Variants in NRXN3 observed in about 807,000 individuals in gnomAD.
NRXN3 encodes neurexin III.
Under a neutral mutation model 137.6 loss-of-function variants are expected in NRXN3, and 32 were observed. The observed-to-expected ratio is 0.23, with a 90% CI of 0.18 to 0.31. NRXN3 has a LOEUF of 0.31. Among genes scored for constraint, NRXN3 ranks in the 10% least tolerant of loss-of-function variants. NRXN3 has a pLI of 1.00. For missense variants in NRXN3, 1,574 were observed against 2,062.5 expected (o/e 0.76, Z 4.59); for synonymous variants, 798 against 784.5 (o/e 1.02, Z -0.29).
At chr14:79,257,352 GT>G (rs2076722716) in intron 15 of NRXN3, among the ~76,000 whole-genome samples, 1 of 73,862 alleles carries the variant, frequency 1.4e-5, no homozygotes, top group Non-Finnish European at 2.8e-5. Flanking sequence ...CCTGGTGGTG[GT>G]GGTGGTGGTG....
intron 10 of NRXN3, among the ~76,000 whole-genome samples, chr14:78,822,820 C>T (rs2098955019): frequency 6.6e-6 from 1 of 152,018 alleles, no homozygotes; most frequent in African/African-American, 2.4e-5. Context: ...CACCATTGTA[C>T]ATATTGCCTC....
intron 19 of NRXN3, 141 bp from the exon 20 acceptor site, chr14:79,804,971 A>G (rs2140612116): frequency 3.2e-6 from 2 of 618,246 alleles, no homozygotes; most frequent in East Asian, 5.6e-5. Flanking sequence ...ATCCTACGGT[A>G]TGCCCTCTCT....
intron 4 of NRXN3, among the ~76,000 whole-genome samples, chr14:78,479,408 C>G (rs1266917090): frequency 6.6e-6 from 1 of 152,166 alleles, no homozygotes; most frequent in Non-Finnish European, 1.5e-5. Flanking sequence ...GGATGGGAAC[C>G]AAGAATTTGT....
intron 15 of NRXN3, among the ~76,000 whole-genome samples, chr14:79,213,961 T>G (rs1195488999): frequency 1.3e-5 from 2 of 152,246 alleles, no homozygotes; most frequent in Non-Finnish European, 2.9e-5. Context: ...GTGTTTTTAT[T>G]CCTTTCAGAG....
chr14:78,243,452 G>A lies in NRXN3; in HGVS notation c.359G>A (p.Arg120His), dbSNP rs767251599. Residue 120 changes from arginine to histidine, a missense_variant, in exon 2 of 21, where the codon CGC becomes CAC. Physicochemically the swap from Arg to His is conservative, Grantham distance 29. Around this residue, in one of 5 missense-constraint regions of NRXN3, gnomAD observed 400 missense variants for 527.3 expected, o/e 0.76. Coordinates refer to ENST00000335750, the MANE Select transcript of NRXN3 (RefSeq NM_001330195.2). This position sits in a 1 kb window ranked among gnomAD's most constrained non-coding sequence, Gnocchi z 4.2. ...CTCATGGTGAGCCGTGACCGCCTGC[G>A]CACGGTGCTGATGCTTGATGGCGAG... ...HFLMVSRDRL[R>H]TVLMLDGEGQ... 34 of 1,576,826 alleles carry A rather than the reference G, an allele frequency of 2.2e-5. No individual in the cohort carries two copies. The highest frequency in any genetic ancestry group is 1.8e-4 in the South Asian group (16 of 88,020).
intron 16 of NRXN3, among the ~76,000 whole-genome samples, chr14:79,499,329 G>T (rs1031161598): frequency 6.6e-6 from 1 of 152,154 alleles, no homozygotes; most frequent in Non-Finnish European, 1.5e-5. Context: ...CTGTCTGGGA[G>T]ACTTCTTCCT....
chr14:79,368,153 G>A (rs1034922480), intron 15 of NRXN3, among the ~76,000 whole-genome samples: 2 of 152,072 alleles, frequency 1.3e-5, no homozygotes, highest in Non-Finnish European at 2.9e-5. Context: ...CCAGAACAAG[G>A]GGACATACCC....
chr14:78,892,727 A>G (rs1784108306), intron 10 of NRXN3, among the ~76,000 whole-genome samples: 1 of 151,136 alleles, frequency 6.6e-6, no homozygotes, highest in Non-Finnish European at 1.5e-5. Context: ...GACTATTCTG[A>G]CACAGCAGGC....
At chr14:78,487,873 A>T (rs1271453389) in intron 4 of NRXN3, among the ~76,000 whole-genome samples, 2 of 152,220 alleles carry the variant, frequency 1.3e-5, no homozygotes, top group African/African-American at 2.4e-5. Context: ...AATGCAAAAG[A>T]GAATACAGGT....
At chr14:78,409,527 G>A (rs7155022) in intron 4 of NRXN3, among the ~76,000 whole-genome samples, 142,448 of 152,256 alleles carry the variant, frequency 0.94, 66,892 homozygotes, top group Middle Eastern at 0.98. Context: ...TCTCTCTCTC[G>A]TTCAATTTAG....
chr14:79,292,015 G>A (rs1330665764), intron 15 of NRXN3, among the ~76,000 whole-genome samples: 1 of 151,986 alleles, frequency 6.6e-6, no homozygotes, highest in African/African-American at 2.4e-5. Flanking sequence ...ATGAATTTAC[G>A]GGAACAGAAA....
At chr14:78,698,266 C>T (rs554382533) in intron 6 of NRXN3, 1 of 152,094 alleles carries the variant, frequency 6.6e-6, no homozygotes, top group Non-Finnish European at 1.5e-5. Flanking sequence ...TTGTTTCCAA[C>T]CAACTATGCT....
chr14:78,883,933 T>C (rs549284810), intron 10 of NRXN3, among the ~76,000 whole-genome samples: 5 of 152,336 alleles, frequency 3.3e-5, no homozygotes, highest in Non-Finnish European at 7.4e-5. Flanking sequence ...ATTAGTTCTT[T>C]AAATTTCTTT....
At chr14:79,823,491 G>T (rs1475750854) in intron 20 of NRXN3, among the ~76,000 whole-genome samples, 1 of 152,116 alleles carries the variant, frequency 6.6e-6, no homozygotes, top group Non-Finnish European at 1.5e-5. Context: ...TGGGAGGATT[G>T]CTTGAGCCTG....
At chr14:79,429,265 T>C (rs893213175) in intron 15 of NRXN3, among the ~76,000 whole-genome samples, 1 of 152,200 alleles carries the variant, frequency 6.6e-6, no homozygotes, top group East Asian at 1.9e-4. Context: ...AATCCTTCTA[T>C]AGATAAGGCG....
chr14:78,822,070 A>G (rs2098952340), intron 10 of NRXN3, among the ~76,000 whole-genome samples: 1 of 152,184 alleles, frequency 6.6e-6, no homozygotes, highest in African/African-American at 2.4e-5. Context: ...ATTGAATACT[A>G]AGTGAAGATA....
intron 10 of NRXN3, among the ~76,000 whole-genome samples, chr14:78,897,636 AT>A (rs1189897390): frequency 2.6e-5 from 4 of 151,760 alleles, no homozygotes; most frequent in Admixed American, 6.6e-5. Context: ...TCCTATTTCT[AT>A]TTTCACAGAC....
intron 15 of NRXN3, among the ~76,000 whole-genome samples, chr14:79,358,618 AAAG>A (rs1337006490): frequency 2.2e-5 from 3 of 136,080 alleles, no homozygotes; most frequent in Non-Finnish European, 4.7e-5. Flanking sequence ...AGAAAGAAAG[AAAG>A]AAAGAAAGAA....
intron 16 of NRXN3, among the ~76,000 whole-genome samples, chr14:79,478,228 T>A (rs2096577067): frequency 6.7e-6 from 1 of 149,086 alleles, no homozygotes; most frequent in Non-Finnish European, 1.5e-5. Context: ...ATTAAATATA[T>A]ACATATACAA....
Sources: gnomAD v4.1 joint callset for allele counts (sites outside exome capture counted in the v4.1 genomes callset) on GRCh38, gnomAD v4.1.1 for gene constraint, gnomAD v4.1.1 regional missense constraint, Gnocchi (gnomAD v3.1) non-coding constraint, MANE v1.5 for transcripts, NCBI Gene and HGNC (gene_info 2026-07-23, HGNC 2026-07-21) for gene names.